The following WHRN variants were observed in gnomAD, a reference collection of about 807,000 sequenced individuals.
WHRN encodes the protein whirlin, also known as CASK-interacting protein CIP98.
In WHRN, 41 loss-of-function variants were observed where a neutral mutation model predicts 68.3. That is an observed-to-expected ratio of 0.60 (90% CI 0.47 to 0.78). The LOEUF is 0.78. Ranked by LOEUF, WHRN falls within the 30% of genes least tolerant of loss-of-function variation. The pLI, the probability that WHRN is intolerant of heterozygous loss-of-function variation, is 0.00. For missense variants in WHRN, 1,243 were observed against 1,244.7 expected (o/e 1.00, Z 0.02); for synonymous variants, 560 against 561.3 (o/e 1.00, Z 0.03).
intron 1 of WHRN, among the ~76,000 whole-genome samples, chr9:114,489,365 A>T (rs1032988386): frequency 1.3e-5 from 2 of 152,136 alleles, no homozygotes; most frequent in African/African-American, 4.8e-5. Context: ...AGTAGAATGG[A>T]AATAATCCAT....
chr9:114,465,550 A>T (rs972845444), intron 3 of WHRN, among the ~76,000 whole-genome samples: 2 of 152,070 alleles, frequency 1.3e-5, no homozygotes, highest in African/African-American at 4.8e-5. Flanking sequence ...TAGCCCAAAC[A>T]CATGGTGCTC....
At chr9:114,420,170 C>T (rs746287316) in intron 7 of WHRN, among the ~76,000 whole-genome samples, 1 of 152,130 alleles carries the variant, frequency 6.6e-6, no homozygotes, top group African/African-American at 2.4e-5. Context: ...CAAATGCACA[C>T]GCGCACACAC....
intron 1 of WHRN, chr9:114,491,719 G>A (rs1842987934): frequency 1.1e-5 from 3 of 263,136 alleles, no homozygotes; most frequent in Admixed American, 8.1e-5. Context: ...AAAGGCAAAC[G>A]AGAAGCAGCA....
intron 7 of WHRN, among the ~76,000 whole-genome samples, chr9:114,417,640 G>A (rs1835911833): frequency 6.6e-6 from 1 of 152,176 alleles, no homozygotes. Flanking sequence ...GCCATGTTAT[G>A]TTTTGGGTTG....
At chr9:114,478,175 C>T in intron 2 of WHRN, 1 of 607,570 alleles carries the variant, frequency 1.6e-6, no homozygotes, top group Non-Finnish European at 3.0e-6. Flanking sequence ...GTAATCCCAG[C>T]TACTCAGGAG....
intron 3 of WHRN, among the ~76,000 whole-genome samples, chr9:114,437,588 G>A (rs1355933630): frequency 6.6e-6 from 1 of 152,088 alleles, no homozygotes; most frequent in Non-Finnish European, 1.5e-5. Context: ...CCAATGGTGG[G>A]GTCCTAATCC....
intron 3 of WHRN, among the ~76,000 whole-genome samples, chr9:114,434,034 G>A (rs7857155): frequency 0.97 from 148,384 of 152,348 alleles, 72,339 homozygotes; most frequent in Non-Finnish European, 1. Flanking sequence ...GCCCAAGGTC[G>A]TACTCTGAGT....
In WHRN at chr9:114,423,471, C is replaced by T. The variant is rs587776360; in HGVS notation, c.1469G>A (p.Arg490His). 6.2e-6 allele frequency: 10 copies of T among 1,613,064 alleles called. No homozygotes were observed. The highest frequency in any genetic ancestry group is 1.7e-5 in the Admixed American group (1 of 59,988). The change falls in exon 7 of 12, where the codon CGC (arginine) becomes CAC (histidine). Residue 490 changes from arginine (R) to histidine (H), a missense_variant. Coordinates refer to ENST00000362057, the MANE Select transcript of WHRN (RefSeq NM_015404.4). ...RGTISPQDLE[R>H]FDHLVLRREI... ...ACGCCTCAGCACCAGGTGGTCGAAG[C>T]GTTCTAGGTCTTGCGGGGAAATGGT...
intron 3 of WHRN, among the ~76,000 whole-genome samples, chr9:114,458,882 C>G (rs575310720): frequency 6.6e-6 from 1 of 152,314 alleles, no homozygotes; most frequent in South Asian, 2.1e-4. Flanking sequence ...GGGCACCCTG[C>G]TAAGCACTTT....
At chr9:114,480,604 C>A (rs1316756353) in intron 1 of WHRN, among the ~76,000 whole-genome samples, 2 of 152,110 alleles carry the variant, frequency 1.3e-5, no homozygotes, top group African/African-American at 2.4e-5. Flanking sequence ...CTTCTGGACT[C>A]CAGAACTGTG....
At position 114,482,090 on chromosome 9, in the gene WHRN, G is replaced by A. The variant is rs181752538; in HGVS notation, c.619-3319C>T. ...ATTTGTGAAACTTGTGCATAGTGAA[G>A]AGCAAAGCATAGCCAGGTCCATAGA... On this transcript the variant is annotated intron_variant, in intron 1 of 11. Transcript: ENST00000362057. 5.4e-4 allele frequency among the ~76,000 whole-genome samples: 82 copies of A among 151,574 alleles called. No individual in the cohort carries two copies. The East Asian group carries it at 0.013, about 23-fold the overall frequency.
intron 1 of WHRN, among the ~76,000 whole-genome samples, chr9:114,496,045 G>T (rs868740166): frequency 6.7e-6 from 1 of 149,196 alleles, no homozygotes; most frequent in Non-Finnish European, 1.5e-5. Context: ...AAATTACAGG[G>T]TTTTTTTTTT....
rs191118681 is a variant in WHRN at position 114,438,740 on chromosome 9, C to G, written c.964-12327G>C. 3.3e-5 allele frequency among the ~76,000 whole-genome samples: 5 copies of G among 152,116 alleles called. No individual in the cohort carries two copies. In the South Asian group the frequency reaches 1.0e-3, roughly 32 times the overall value. On this transcript the variant is annotated intron_variant, in intron 3 of 11. Transcript: ENST00000362057. ...TGCTGGGATTACAGGCATGAGCCAC[C>G]GCGCCTGGCTAACGGAATCCCACTT...
chr9:114,429,550 C>G (rs1483799431), intron 3 of WHRN, among the ~76,000 whole-genome samples: 1 of 152,220 alleles, frequency 6.6e-6, no homozygotes, highest in Non-Finnish European at 1.5e-5. Flanking sequence ...ATCTGCAATT[C>G]TCTTTCTCCC....
chr9:114,404,297 AG>A (rs1436052310), intron 9 of WHRN, among the ~76,000 whole-genome samples: 1 of 152,226 alleles, frequency 6.6e-6, no homozygotes, highest in African/African-American at 2.4e-5. Context: ...CTGGTCTTGA[AG>A]GCTGTGACTT....
intron 1 of WHRN, among the ~76,000 whole-genome samples, chr9:114,482,153 T>C (rs1842142180): frequency 6.6e-6 from 1 of 151,910 alleles, no homozygotes; most frequent in Non-Finnish European, 1.5e-5. Context: ...AGACAAGGCA[T>C]CATCTGGTGC....
chr9:114,479,975 A>G (rs1221503690), intron 1 of WHRN, among the ~76,000 whole-genome samples: 1 of 152,218 alleles, frequency 6.6e-6, no homozygotes, highest in Non-Finnish European at 1.5e-5. Flanking sequence ...AGGCAAGAGA[A>G]TCACTTGAAC....
intron 7 of WHRN, among the ~76,000 whole-genome samples, chr9:114,409,496 G>A (rs1835277410): frequency 6.6e-6 from 1 of 152,180 alleles, no homozygotes; most frequent in South Asian, 2.1e-4. Flanking sequence ...AGCAGGAATG[G>A]AGATAGGATG....
intron 1 of WHRN, among the ~76,000 whole-genome samples, chr9:114,498,634 G>T (rs1843665119): frequency 6.6e-6 from 1 of 152,170 alleles, no homozygotes; most frequent in Non-Finnish European, 1.5e-5. Flanking sequence ...GTAAGGTGAA[G>T]TCTCTGGGTG....
Sources: gnomAD v4.1 joint callset for allele counts (sites outside exome capture counted in the v4.1 genomes callset) on GRCh38, gnomAD v4.1.1 for gene constraint, MANE v1.5 for transcripts, NCBI Gene and HGNC (gene_info 2026-07-23, HGNC 2026-07-21) for gene names.